INTS9: variants seen among roughly 807,000 people sequenced by gnomAD.
INTS9 encodes the protein integrator complex subunit 9.
Under a neutral mutation model 79.7 loss-of-function variants are expected in INTS9, and 55 were observed. That is an observed-to-expected ratio of 0.69 (90% CI 0.56 to 0.86). The LOEUF (loss-of-function observed/expected upper bound fraction) is 0.86, where lower values mean the gene tolerates loss of function less well. Ranked by LOEUF, INTS9 falls within the 40% of genes least tolerant of loss-of-function variation. INTS9 has a pLI of 0.00. For missense variants in INTS9, 721 were observed against 831.5 expected (o/e 0.87, Z 1.64); for synonymous variants, 319 against 325.2 (o/e 0.98, Z 0.20).
intron 16 of INTS9, 34 bp from the exon 17 acceptor site, chr8:28,768,356 C>A (rs1398868673): frequency 1.3e-6 from 2 of 1,593,556 alleles, no homozygotes; most frequent in African/African-American, 1.3e-5. Flanking sequence ...GTGGGCTGGG[C>A]AGACTGCACA....
At chr8:28,768,483 C>T (rs1655028295) in intron 16 of INTS9, 161 bp from the exon 17 acceptor site, 1 of 669,610 alleles carries the variant, frequency 1.5e-6, no homozygotes, top group South Asian at 1.8e-5. Flanking sequence ...GTTTCTTATA[C>T]TTGAAAAGAG....
intron 11 of INTS9, among the ~76,000 whole-genome samples, chr8:28,781,934 C>G (rs746731669): frequency 6.6e-6 from 1 of 152,020 alleles, no homozygotes; most frequent in African/African-American, 2.4e-5. Flanking sequence ...GGGCTTTGGG[C>G]GAGAGTGACG....
intron 14 of INTS9, among the ~76,000 whole-genome samples, chr8:28,773,654 C>T (rs1208683927): frequency 6.7e-6 from 1 of 148,912 alleles, no homozygotes; most frequent in Non-Finnish European, 1.5e-5. Flanking sequence ...CGAGTAGCTG[C>T]GATTACAGGC....
chr8:28,829,329 C>G lies in INTS9; in HGVS notation c.488+5963G>C, dbSNP rs571550669. On this transcript the variant is annotated intron_variant, in intron 6 of 16. Coordinates refer to ENST00000521022, the MANE Select transcript of INTS9 (RefSeq NM_018250.4). ...TTCTCCTTTTCCTTCCCTTCAAAAT[C>G]CATCTCTTTTTCAAGAGTAAACTGC... 2.0e-5 allele frequency among the ~76,000 whole-genome samples: 3 copies of G among 152,214 alleles called. No homozygotes were observed. In the East Asian group the frequency reaches 5.8e-4, roughly 29 times the overall value.
At chr8:28,867,947 G>T (rs893377298) in intron 1 of INTS9, among the ~76,000 whole-genome samples, 1 of 152,142 alleles carries the variant, frequency 6.6e-6, no homozygotes, top group Admixed American at 6.5e-5. Context: ...GGCATAGGAA[G>T]TATAAAACAT....
At chr8:28,813,792 C>CAAA in intron 6 of INTS9, 180 bp from the exon 7 acceptor site, 2 of 611,000 alleles carry the variant, frequency 3.3e-6, no homozygotes, top group Non-Finnish European at 5.4e-6. Context: ...GACAGAGTCT[C>CAAA]ACTGTGTCAC....
chr8:28,804,463 C>A (rs1804692194), intron 8 of INTS9, among the ~76,000 whole-genome samples: 1 of 152,060 alleles, frequency 6.6e-6, no homozygotes, highest in Non-Finnish European at 1.5e-5. Flanking sequence ...GTTCAATACC[C>A]CCCGCCCCCC....
At chr8:28,880,370 T>C (rs1255516348) in intron 1 of INTS9, among the ~76,000 whole-genome samples, 3 of 151,710 alleles carry the variant, frequency 2.0e-5, no homozygotes, top group Non-Finnish European at 4.4e-5. Flanking sequence ...CTGATTCTCC[T>C]GCCTCAGCCT....
intron 1 of INTS9, among the ~76,000 whole-genome samples, chr8:28,882,548 G>GAA (rs376509452): frequency 1.3e-5 from 1 of 74,848 alleles, no homozygotes. Context: ...AAAAAAAAAA[G>GAA]AAAAAAAAAA....
chr8:28,835,813 CT>C (rs879409754), intron 5 of INTS9, among the ~76,000 whole-genome samples: 49 of 144,818 alleles, frequency 3.4e-4, no homozygotes, highest in East Asian at 4.0e-4. Context: ...ATTAAGTGAA[CT>C]TTTTTTTTTT....
chr8:28,832,823 A>G (rs1193674158), intron 6 of INTS9, among the ~76,000 whole-genome samples: 2 of 151,896 alleles, frequency 1.3e-5, no homozygotes, highest in East Asian at 3.9e-4. Context: ...TTAGCTGGGC[A>G]TGGTGGCGCT....
chr8:28,793,877 T>C lies in INTS9; in HGVS notation c.967A>G (p.Ser323Gly). The C allele has an allele frequency of 6.2e-7, 1 of 1,613,674 alleles. No individual in the cohort carries two copies. The highest frequency in any genetic ancestry group is 2.2e-5 in the East Asian group (1 of 44,860). ...GGGGAGATGAAGTAGAGGGGGACGC[T>C]GGAAAGCCCGGCTGAGTCGATGTAC... The part of the protein sequence containing the change: ...YQYIDSAGLS[S>G]VPLYFISPVA... Residue 323 changes from serine to glycine, a missense_variant, in exon 10 of 17, where the codon AGC becomes GGC. Physicochemically the swap from Ser to Gly is moderately conservative, Grantham distance 56. Coordinates refer to ENST00000521022, the MANE Select transcript of INTS9 (RefSeq NM_018250.4).
intron 11 of INTS9, among the ~76,000 whole-genome samples, chr8:28,785,820 A>G (rs1803552079): frequency 6.6e-6 from 1 of 152,226 alleles, no homozygotes; most frequent in Non-Finnish European, 1.5e-5. Context: ...TATATTGAAA[A>G]TAGGAGTTCA....
chr8:28,780,784 T>G, intron 12 of INTS9, 39 bp downstream of exon 12: 1 of 1,607,054 alleles, frequency 6.2e-7, no homozygotes, highest in Non-Finnish European at 8.5e-7. Context: ...ATGGCCTCAG[T>G]GGAGAGAACC....
intron 7 of INTS9, 49 bp from the exon 8 acceptor site, chr8:28,812,510 C>A: frequency 1.3e-6 from 2 of 1,573,308 alleles, no homozygotes; most frequent in South Asian, 2.3e-5. Context: ...CAGTGACAGT[C>A]ACATGAGGTA....
chr8:28,863,001 G>A (rs1253172679), intron 1 of INTS9, among the ~76,000 whole-genome samples: 1 of 152,202 alleles, frequency 6.6e-6, no homozygotes, highest in Non-Finnish European at 1.5e-5. Flanking sequence ...CAGAGTTGCT[G>A]GGAGGACTAA....
chr8:28,776,227 T>G lies in INTS9; in HGVS notation c.1396-301A>C, dbSNP rs144046963. ...TGCTCCCAGCGGTCTCTGGGCTTCC[T>G]CGGGGCACGGTCTTTCTCTAACATT... is the stretch of plus-strand genomic sequence containing the variant. On this transcript the variant is annotated intron_variant, in intron 13 of 16. Coordinates refer to ENST00000521022, the MANE Select transcript of INTS9 (RefSeq NM_018250.4). 4.8e-3 allele frequency: 1,295 copies of G among 272,292 alleles called. 19 individuals carry two copies. The highest frequency in any genetic ancestry group is 0.026 in the African/African-American group (1,181 of 45,520). The allele number at this position is 272,292 out of a possible 1,614,324, so 16.9% of individuals were successfully genotyped here. A position where few individuals can be genotyped will look rare whatever the true frequency, so the allele number is the denominator to read the frequency against.
At chr8:28,837,802 T>A (rs752819393) in intron 4 of INTS9, 26 bp from the exon 5 acceptor site, 1 of 1,605,498 alleles carries the variant, frequency 6.2e-7, no homozygotes, top group African/African-American at 1.3e-5. Context: ...GGGAATGATA[T>A]ATATCTGTTC....
intron 2 of INTS9, among the ~76,000 whole-genome samples, chr8:28,858,746 A>G (rs979169743): frequency 6.6e-6 from 1 of 152,198 alleles, no homozygotes; most frequent in African/African-American, 2.4e-5. Context: ...CCAGCTTACT[A>G]TGCTTTTGAG....
Sources: gnomAD v4.1 joint callset for allele counts (sites outside exome capture counted in the v4.1 genomes callset) on GRCh38, gnomAD v4.1.1 for gene constraint, MANE v1.5 for transcripts, NCBI Gene and HGNC (gene_info 2026-07-23, HGNC 2026-07-21) for gene names.